The following GGTA1 variants were observed in gnomAD, a reference collection of about 807,000 sequenced individuals.
The protein encoded by GGTA1 is inactive N-acetyllactosaminide alpha-1,3-galactosyltransferase.
In GGTA1, 5 loss-of-function variants were observed where a neutral mutation model predicts 2.6. The ratio of observed to expected loss-of-function variants is 1.92; its 90% confidence interval spans 1.00 to 4.04. The LOEUF (loss-of-function observed/expected upper bound fraction) is 4.04, where lower values mean the gene tolerates loss of function less well. Ranked by LOEUF, GGTA1 falls within the 30% of genes most tolerant of loss-of-function variation. GGTA1 has a pLI of 0.00. For missense variants in GGTA1, 50 were observed against 16.7 expected, an observed-to-expected ratio of 2.99 and a Z score of -3.47; for synonymous variants, 17 against 5.0, an observed-to-expected ratio of 3.38 and a Z score of -3.19.
chr9:121,496,758 AGAG>A (rs1397062460), intron 1 of GGTA1, among the ~76,000 whole-genome samples: 1 of 96,772 alleles, frequency 1.0e-5, no homozygotes, highest in Admixed American at 1.0e-4. Flanking sequence ...AAAAAAAAAA[AGAG>A]AGAGAGAATC....
At chr9:121,449,780 C>T (rs1038141231) in intron 7 of GGTA1, among the ~76,000 whole-genome samples, 2 of 130,386 alleles carry the variant, frequency 1.5e-5, no homozygotes, top group African/African-American at 5.8e-5. Context: ...GCAGAAGTTG[C>T]AGTGAGCTGA....
intron 2 of GGTA1, among the ~76,000 whole-genome samples, chr9:121,464,819 C>T (rs1333853096): frequency 6.6e-6 from 1 of 152,078 alleles, no homozygotes; most frequent in Non-Finnish European, 1.5e-5. Flanking sequence ...AAATGCTATC[C>T]TAGATGATAT....
chr9:121,469,134 G>C (rs1828321421), intron 1 of GGTA1, among the ~76,000 whole-genome samples: 1 of 152,140 alleles, frequency 6.6e-6, no homozygotes, highest in African/African-American at 2.4e-5. Context: ...AAAAAGCAGG[G>C]GTGCTGTGTG....
intron 1 of GGTA1, among the ~76,000 whole-genome samples, chr9:121,493,617 A>T (rs1828920503): frequency 6.6e-6 from 1 of 151,454 alleles, no homozygotes; most frequent in Admixed American, 6.6e-5. Context: ...CTTACTGTCA[A>T]CCCATTCTGA....
intron 1 of GGTA1, among the ~76,000 whole-genome samples, chr9:121,473,417 TC>T (rs1459839175): frequency 6.6e-6 from 1 of 152,048 alleles, no homozygotes; most frequent in Non-Finnish European, 1.5e-5. Context: ...GTGACATGCT[TC>T]CTGGAATCTG....
intron 1 of GGTA1, among the ~76,000 whole-genome samples, chr9:121,496,257 A>G (rs1035786110): frequency 1.3e-5 from 2 of 152,214 alleles, no homozygotes; most frequent in African/African-American, 4.8e-5. Context: ...TTTTTCACAT[A>G]ACATATTAGT....
At chr9:121,488,660 T>C (rs1276718877) in intron 1 of GGTA1, among the ~76,000 whole-genome samples, 1 of 152,112 alleles carries the variant, frequency 6.6e-6, no homozygotes, top group Non-Finnish European at 1.5e-5. Context: ...GAAGTTGCAG[T>C]GAGCCAAGGT....
At chr9:121,459,186 G>A (rs1238760375) in intron 5 of GGTA1, among the ~76,000 whole-genome samples, 1 of 152,180 alleles carries the variant, frequency 6.6e-6, no homozygotes, top group African/African-American at 2.4e-5. Flanking sequence ...GCTGGGCATG[G>A]TGGCTCACAC....
chr9:121,462,927 A>G (rs746762944), intron 3 of GGTA1: 1 of 156,750 alleles, frequency 6.4e-6, no homozygotes, highest in Non-Finnish European at 1.4e-5. Flanking sequence ...AGAGGCTCAA[A>G]TTTTTTTCCT....
In GGTA1 at chr9:121,463,637, C is replaced by T. The variant is rs541069759; in HGVS notation, c.81-309G>A. 2.1e-3 allele frequency among the ~76,000 whole-genome samples: 317 copies of T among 152,296 alleles called. 3 individuals carry two copies. The highest frequency in any genetic ancestry group is 3.7e-3 in the Non-Finnish European group (254 of 68,024). On this transcript the variant is annotated intron_variant, in intron 2 of 5. Coordinates refer to ENST00000481799, the MANE Select transcript of GGTA1 (RefSeq NM_001382585.1). ...ACTCCTGAGTCAAGAGATCCACCCC[C>T]GTTGGCCTCCCAAAGTGCTGGGATT...
At chr9:121,463,711 T>G (rs2064979568) in intron 2 of GGTA1, among the ~76,000 whole-genome samples, 1 of 152,062 alleles carries the variant, frequency 6.6e-6, no homozygotes, top group Non-Finnish European at 1.5e-5. Context: ...TTGTTTTTGT[T>G]TGTTTGTTTG....
intron 5 of GGTA1, among the ~76,000 whole-genome samples, chr9:121,459,506 C>T (rs2064942157): frequency 6.6e-6 from 1 of 152,124 alleles, no homozygotes; most frequent in Non-Finnish European, 1.5e-5. Context: ...CTGATGATAC[C>T]TCATTGCACA....
At chr9:121,480,351 C>G (rs997677869) in intron 1 of GGTA1, among the ~76,000 whole-genome samples, 2 of 152,156 alleles carry the variant, frequency 1.3e-5, no homozygotes, top group Non-Finnish European at 2.9e-5. Context: ...CCACCATGCC[C>G]GGTGGGCAGT....
At chr9:121,462,303 C>G (rs973006681) in intron 3 of GGTA1, among the ~76,000 whole-genome samples, 2 of 151,128 alleles carry the variant, frequency 1.3e-5, no homozygotes, top group East Asian at 3.9e-4. Context: ...CCAGCCTGGG[C>G]AACAGAGCAA....
chr9:121,445,189 G>T (rs2064847265), exon 8 of GGTA1: 1 of 152,066 alleles, frequency 6.6e-6, no homozygotes, highest in African/African-American at 2.4e-5. Flanking sequence ...TTTGGGTCAG[G>T]ACTTAAAAAC....
intron 1 of GGTA1, among the ~76,000 whole-genome samples, chr9:121,482,600 C>A (rs1002526979): frequency 6.6e-6 from 1 of 152,098 alleles, no homozygotes; most frequent in African/African-American, 2.4e-5. Flanking sequence ...GAAACTTTGT[C>A]TCTACTAAAA....
In GGTA1 at chr9:121,496,949, T is replaced by C. The variant is rs140820553; in HGVS notation, c.-10+2701A>G. Among the ~76,000 whole-genome samples, 805 of 151,942 alleles carry C rather than the reference T, an allele frequency of 5.3e-3. 5 individuals are homozygous for C. Among genetic ancestry groups the C allele is most frequent in the African/African-American group, 0.018 (764 of 41,434 alleles). Reference sequence around the variant, plus strand: ...GGCTCACACCTGTAATCCTACCACTTTGGGAGGCGGAGGTGGGTGGATCAC... The same window carrying C: ...GGCTCACACCTGTAATCCTACCACTCTGGGAGGCGGAGGTGGGTGGATCAC... On this transcript the variant is annotated intron_variant, in intron 1 of 5. Transcript: ENST00000481799.
chr9:121,481,980 A>C (rs1195162823), intron 1 of GGTA1, among the ~76,000 whole-genome samples: 1 of 151,580 alleles, frequency 6.6e-6, no homozygotes, highest in Non-Finnish European at 1.5e-5. Flanking sequence ...TGGGCAACAA[A>C]AGCGGAACTC....
chr9:121,495,405 G>A (rs1466244236), intron 1 of GGTA1, among the ~76,000 whole-genome samples: 1 of 152,102 alleles, frequency 6.6e-6, no homozygotes, highest in African/African-American at 2.4e-5. Context: ...AAACTAGCTG[G>A]GCGTGGTGGT....
Sources: gnomAD v4.1 joint callset for allele counts (sites outside exome capture counted in the v4.1 genomes callset) on GRCh38, gnomAD v4.1.1 for gene constraint, MANE v1.5 for transcripts, NCBI Gene and HGNC (gene_info 2026-07-23, HGNC 2026-07-21) for gene names.